The following SCNN1B variants were observed in gnomAD, a reference collection of about 807,000 sequenced individuals.
The protein encoded by SCNN1B is epithelial sodium channel subunit beta.
A neutral mutation model predicts 65.3 loss-of-function variants in SCNN1B; 46 were observed. The observed-to-expected ratio is 0.70, with a 90% CI of 0.56 to 0.90. The LOEUF is 0.90. Among genes scored for constraint, SCNN1B ranks in the 40% least tolerant of loss-of-function variants. SCNN1B has a pLI of 0.00. For synonymous variants in SCNN1B, 349 were observed against 330.6 expected (o/e 1.06, Z -0.60); for missense variants, 751 against 830.5 (o/e 0.90, Z 1.18).
intron 1 of SCNN1B, among the ~76,000 whole-genome samples, chr16:23,314,325 G>A (rs143012997): frequency 6.6e-6 from 1 of 152,306 alleles, no homozygotes; most frequent in East Asian, 1.9e-4. Context: ...GCCACGCCCG[G>A]CCAGGTACAA....
At chr16:23,364,270 G>A (rs1262074148) in intron 4 of SCNN1B, among the ~76,000 whole-genome samples, 1 of 152,178 alleles carries the variant, frequency 6.6e-6, no homozygotes, top group African/African-American at 2.4e-5. Context: ...TTAACTAATA[G>A]TTCTAGTCCA....
At chr16:23,375,927 G>A in intron 8 of SCNN1B, 72 bp downstream of exon 8, 1 of 1,070,898 alleles carries the variant, frequency 9.3e-7, no homozygotes, top group Non-Finnish European at 1.5e-6. Flanking sequence ...AGAGGAGGAG[G>A]CAGAGCTCAG....
At chr16:23,329,089 C>T (rs768306963) in intron 1 of SCNN1B, among the ~76,000 whole-genome samples, 24 of 133,294 alleles carry the variant, frequency 1.8e-4, no homozygotes, top group Non-Finnish European at 3.1e-4. Context: ...CATGAGCCAC[C>T]ATGCCTAGCT....
chr16:23,323,658 T>C, intron 1 of SCNN1B: 1 of 699,966 alleles, frequency 1.4e-6, no homozygotes, highest in Non-Finnish European at 2.6e-6. Context: ...CACTACCCCA[T>C]TGTAAAGGAA....
At chr16:23,344,144 G>C (rs776764768) in intron 1 of SCNN1B, among the ~76,000 whole-genome samples, 1 of 152,088 alleles carries the variant, frequency 6.6e-6, no homozygotes, top group Non-Finnish European at 1.5e-5. Flanking sequence ...ACTTAAGCAC[G>C]TTTATGAACA....
intron 2 of SCNN1B, among the ~76,000 whole-genome samples, chr16:23,289,673 C>CT (rs11369014): frequency 0.39 from 48,415 of 124,130 alleles, 12,222 homozygotes; most frequent in African/African-American, 0.68. Context: ...CAATATTTAA[C>CT]TTTTTTTTTT....
At chr16:23,365,417 AAG>A (rs1264853539) in intron 4 of SCNN1B, among the ~76,000 whole-genome samples, 3 of 150,484 alleles carry the variant, frequency 2.0e-5, no homozygotes, top group Non-Finnish European at 4.4e-5. Flanking sequence ...GAGAGAAAGA[AAG>A]AGAAAGAAAG....
At chr16:23,339,859 G>A (rs1191631401) in intron 1 of SCNN1B, among the ~76,000 whole-genome samples, 2 of 151,978 alleles carry the variant, frequency 1.3e-5, no homozygotes, top group African/African-American at 2.4e-5. Flanking sequence ...GAGCCACCGC[G>A]CCTGGCAACT....
intron 10 of SCNN1B, among the ~76,000 whole-genome samples, chr16:23,378,264 C>T (rs1173431883): frequency 1.3e-5 from 2 of 152,194 alleles, no homozygotes; most frequent in Non-Finnish European, 2.9e-5. Context: ...CCCACCTCAG[C>T]CTCCCAAAAT....
intron 2 of SCNN1B, among the ~76,000 whole-genome samples, chr16:23,287,873 G>A (rs908265306): frequency 6.7e-6 from 1 of 150,112 alleles, no homozygotes; most frequent in African/African-American, 2.5e-5. Context: ...CCAAACTCCT[G>A]GGTTGAAGCA....
At chr16:23,286,541 C>T (rs1960853358) in intron 2 of SCNN1B, among the ~76,000 whole-genome samples, 1 of 152,242 alleles carries the variant, frequency 6.6e-6, no homozygotes, top group African/African-American at 2.4e-5. Flanking sequence ...CTTATAACAC[C>T]ACCCAGGAAG....
intron 1 of SCNN1B, among the ~76,000 whole-genome samples, chr16:23,309,668 C>G (rs1961298758): frequency 6.6e-6 from 1 of 152,342 alleles, no homozygotes; most frequent in Middle Eastern, 3.4e-3. Context: ...GCTTTATATA[C>G]TAGCTGCATT....
intron 2 of SCNN1B, among the ~76,000 whole-genome samples, chr16:23,291,486 G>A (rs1381312110): frequency 6.6e-6 from 1 of 151,798 alleles, no homozygotes; most frequent in Non-Finnish European, 1.5e-5. Flanking sequence ...GTGTGTGTGT[G>A]TGTGTGTGTG....
chr16:23,305,570 A>AAATAT (rs1961193190), intron 1 of SCNN1B, among the ~76,000 whole-genome samples: 1 of 30,638 alleles, frequency 3.3e-5, no homozygotes, highest in African/African-American at 2.1e-4. Flanking sequence ...ATATATATAT[A>AAATAT]TATATATTAT....
intron 2 of SCNN1B, among the ~76,000 whole-genome samples, chr16:23,288,129 T>C (rs1285281325): frequency 1.3e-5 from 2 of 152,044 alleles, no homozygotes; most frequent in African/African-American, 2.4e-5. Flanking sequence ...CTCCAGCCTG[T>C]GTGACAAAGT....
chr16:23,334,273 G>A (rs1961889870), intron 1 of SCNN1B, among the ~76,000 whole-genome samples: 1 of 152,068 alleles, frequency 6.6e-6, no homozygotes. Flanking sequence ...GACCCACCCC[G>A]GAGAACTCAG....
At chr16:23,359,232 T>C (rs1962484098) in intron 4 of SCNN1B, 2 of 152,164 alleles carry the variant, frequency 1.3e-5, no homozygotes, top group African/African-American at 2.4e-5. Flanking sequence ...CCCCATCATT[T>C]TATAGTTGCT....
In SCNN1B at chr16:23,380,315, A is replaced by AC. The variant is rs565633348; in HGVS notation, c.1543-101dup. The AC allele has an allele frequency of 1.2e-4, 183 of 1,575,424 alleles. No individual in the cohort carries two copies. In the African/African-American group the frequency reaches 1.9e-3, roughly 17 times the overall value. On this transcript the variant is annotated intron_variant, in intron 12 of 12. Transcript: ENST00000343070. This position sits in a 1 kb window ranked among gnomAD's most constrained non-coding sequence, Gnocchi z 5.4. ...GTTATTCCCCTGGGCCAAGATGGTCACCCCCTCCCGTTCCCACCCAAGAAT... is the reference window on the plus strand; with the variant it reads ...GTTATTCCCCTGGGCCAAGATGGTCACCCCCCTCCCGTTCCCACCCAAGAAT...
At chr16:23,296,095 C>T (rs938995782) in intron 2 of SCNN1B, among the ~76,000 whole-genome samples, 66 of 151,964 alleles carry the variant, frequency 4.3e-4, no homozygotes, top group Non-Finnish European at 9.3e-4. Context: ...GCCAATTGGC[C>T]GGGCTGAAGG....
Sources: gnomAD v4.1 joint callset for allele counts (sites outside exome capture counted in the v4.1 genomes callset) on GRCh38, gnomAD v4.1.1 for gene constraint, Gnocchi (gnomAD v3.1) non-coding constraint, MANE v1.5 for transcripts, NCBI Gene and HGNC (gene_info 2026-07-23, HGNC 2026-07-21) for gene names.